The following ANO6 variants were observed in gnomAD, a reference collection of about 807,000 sequenced individuals.
ANO6 encodes the protein anoctamin-6.
ANO6 carries 106 observed loss-of-function variants against 117.5 expected under a neutral mutation model. That is an observed-to-expected ratio of 0.90 (90% CI 0.77 to 1.06). ANO6 has a LOEUF of 1.06. Among genes scored for constraint, ANO6 ranks in the 50% least tolerant of loss-of-function variants. ANO6 has a pLI of 0.00. For missense variants in ANO6, 955 were observed against 1,121.1 expected (o/e 0.85, Z 2.12); for synonymous variants, 367 against 385.1 (o/e 0.95, Z 0.55).
intron 19 of ANO6, among the ~76,000 whole-genome samples, chr12:45,437,965 T>A (rs2137757114): frequency 6.6e-6 from 1 of 152,322 alleles, no homozygotes; most frequent in South Asian, 2.1e-4. Flanking sequence ...AGTTGGCTAG[T>A]AAAACTTCAA....
intron 15 of ANO6, among the ~76,000 whole-genome samples, chr12:45,404,047 G>A (rs186233039): frequency 2.6e-5 from 4 of 152,040 alleles, no homozygotes; most frequent in Admixed American, 2.0e-4. Context: ...GGTTTAAAGA[G>A]GTTAAATGAT....
chr12:45,417,107 C>T (rs557307118), intron 17 of ANO6, among the ~76,000 whole-genome samples: 1 of 152,270 alleles, frequency 6.6e-6, no homozygotes, highest in East Asian at 1.9e-4. Context: ...TCAAGACCTC[C>T]TATACAGGTA....
chr12:45,341,549 A>G (rs923992113), intron 3 of ANO6, among the ~76,000 whole-genome samples: 5 of 152,328 alleles, frequency 3.3e-5, no homozygotes, highest in Admixed American at 1.3e-4. Context: ...GACATGAGGC[A>G]AAAGAGAAGA....
At chr12:45,394,599 G>T (rs1593059969) in intron 12 of ANO6, among the ~76,000 whole-genome samples, 1 of 152,144 alleles carries the variant, frequency 6.6e-6, no homozygotes, top group African/African-American at 2.4e-5. Flanking sequence ...TGGAAGTAAA[G>T]CACTCCTCAG....
intron 18 of ANO6, among the ~76,000 whole-genome samples, 190 bp downstream of exon 18, chr12:45,421,463 A>G (rs1032974104): frequency 6.6e-6 from 1 of 152,192 alleles, no homozygotes; most frequent in Non-Finnish European, 1.5e-5. Context: ...CTTGAGTGAA[A>G]CTCAGAAAAT....
chr12:45,276,146 A>G (rs1938547550), intron 1 of ANO6, among the ~76,000 whole-genome samples: 1 of 152,156 alleles, frequency 6.6e-6, no homozygotes. Flanking sequence ...AAACCTGTAT[A>G]TCATCCTTGG....
rs1411087885 is a variant in ANO6, at chr12:45,367,574, C to T, written c.999-114C>T. 5.2e-6 allele frequency: 4 copies of T among 767,840 alleles called. No homozygotes were observed. The East Asian group carries it at 1.1e-4, about 21-fold the overall frequency. 47.6% of individuals were successfully genotyped at this position (767,840 alleles called of 1,614,324 possible). ...AGTTTTATGTAACAGAAGTTCACTT[C>T]TGTTTCTAGTTTTACAAGATCGGTT... On this transcript the variant is annotated intron_variant, in intron 8 of 19. Coordinates refer to ENST00000320560, the MANE Select transcript of ANO6 (RefSeq NM_001025356.3).
At chr12:45,305,564 T>C (rs1385223634) in intron 2 of ANO6, among the ~76,000 whole-genome samples, 1 of 152,190 alleles carries the variant, frequency 6.6e-6, no homozygotes, top group Non-Finnish European at 1.5e-5. Context: ...GTGACTATCA[T>C]TTGGGGACAT....
chr12:45,379,720 T>C (rs1942121128), intron 10 of ANO6, among the ~76,000 whole-genome samples: 1 of 152,196 alleles, frequency 6.6e-6, no homozygotes, highest in South Asian at 2.1e-4. Context: ...ATTTTGACAC[T>C]AGAAAGACAA....
At chr12:45,439,628 T>G in intron 19 of ANO6, 1 of 1,355,766 alleles carries the variant, frequency 7.4e-7, no homozygotes, top group Non-Finnish European at 9.5e-7. Context: ...ACCAGAGTAT[T>G]CAAGATATGA....
At chr12:45,258,209 G>C (rs1215499308) in intron 1 of ANO6, among the ~76,000 whole-genome samples, 2 of 152,172 alleles carry the variant, frequency 1.3e-5, no homozygotes, top group African/African-American at 4.8e-5. Flanking sequence ...TTATTTTGAG[G>C]ATAATGCATG....
chr12:45,313,144 T>C (rs777082795), intron 2 of ANO6: 24 of 152,092 alleles, frequency 1.6e-4, no homozygotes, highest in Non-Finnish European at 2.4e-4. Flanking sequence ...TTAGATGAGG[T>C]ACTTCTGAGA....
intron 9 of ANO6, 34 bp from the exon 10 acceptor site, chr12:45,378,019 T>C (rs1291899323): frequency 3.8e-6 from 6 of 1,563,444 alleles, no homozygotes; most frequent in Non-Finnish European, 5.3e-6. Context: ...AAGTGGAGGA[T>C]ATGACTCATT....
intron 2 of ANO6, among the ~76,000 whole-genome samples, chr12:45,319,155 G>T (rs182154664): frequency 2.6e-5 from 4 of 152,114 alleles, no homozygotes; most frequent in Non-Finnish European, 4.4e-5. Flanking sequence ...ACACTATGTC[G>T]AATAGGAGTG....
intron 15 of ANO6, among the ~76,000 whole-genome samples, chr12:45,406,571 TA>T (rs1175184284): frequency 6.6e-6 from 1 of 152,114 alleles, no homozygotes; most frequent in Non-Finnish European, 1.5e-5. Flanking sequence ...TCTTCTTATA[TA>T]AATAAGTATA....
Position 45,216,166 on chromosome 12 carries a change from T to C in ANO6, c.-156T>C. 1.2e-6 allele frequency: 1 copy of C among 828,842 alleles called. No homozygotes were observed. The highest frequency in any genetic ancestry group is 1.9e-6 in the Non-Finnish European group (1 of 526,402). 51.3% of individuals were successfully genotyped at this position (828,842 alleles called of 1,614,324 possible). ...GGCTCCGGTCGGTGGGTGCCTCGGCTCGGCTTTCCCCGGCGCTGGCTGGGC... is the reference window on the plus strand; with the variant it reads ...GGCTCCGGTCGGTGGGTGCCTCGGCCCGGCTTTCCCCGGCGCTGGCTGGGC... On this transcript the variant is annotated 5_prime_UTR_variant, in exon 1 of 20. Transcript: ENST00000320560.
rs561658169 is a variant in ANO6, at chr12:45,346,800, G to A, written c.280-222G>A. Among the ~76,000 whole-genome samples the A allele has an allele frequency of 5.9e-5, 9 of 152,208 alleles. No homozygotes were observed. In the East Asian group the frequency reaches 1.4e-3, roughly 23 times the overall value. On this transcript the variant is annotated intron_variant, in intron 3 of 19. Coordinates refer to ENST00000320560, the MANE Select transcript of ANO6 (RefSeq NM_001025356.3). ...GGGCCTTCCAGGGTGCCAGGGCATC[G>A]AAGTACCCTCCACGGCATTCTCTTG...
At chr12:45,290,731 A>T (rs1481739012) in intron 1 of ANO6, among the ~76,000 whole-genome samples, 1 of 152,244 alleles carries the variant, frequency 6.6e-6, no homozygotes, top group Non-Finnish European at 1.5e-5. Context: ...TTTTAATGGT[A>T]AATCTAAGTT....
At chr12:45,228,284 G>C in intron 1 of ANO6, 1 of 330,788 alleles carries the variant, frequency 3.0e-6, no homozygotes, top group South Asian at 2.3e-5. Context: ...GTATGCACCA[G>C]GCCCTCCTTT....
Sources: gnomAD v4.1 joint callset for allele counts (sites outside exome capture counted in the v4.1 genomes callset) on GRCh38, gnomAD v4.1.1 for gene constraint, MANE v1.5 for transcripts, NCBI Gene and HGNC (gene_info 2026-07-23, HGNC 2026-07-21) for gene names.